AGAP1: variants seen among roughly 807,000 people sequenced by gnomAD.
The protein encoded by AGAP1 is ArfGAP with GTPase domain, ankyrin repeat and PH domain 1, also known as arf-GAP with GTPase, ANK repeat and PH domain-containing protein 1.
A neutral mutation model predicts 105.3 loss-of-function variants in AGAP1; 29 were observed. That is an observed-to-expected ratio of 0.28 (90% CI 0.21 to 0.38). The LOEUF is 0.38. AGAP1 is among the 10% of genes least tolerant of loss of function. The pLI is 1.00. For missense variants in AGAP1, 998 were observed against 1,165.1 expected (o/e 0.86, Z 2.09); for synonymous variants, 509 against 485.9 (o/e 1.05, Z -0.63).
At position 236,080,836 on chromosome 2, in the gene AGAP1, C is replaced by A. The variant is rs2058761430; in HGVS notation, c.2114+31555C>A. Reference sequence around the variant, plus strand: ...CCCCTCTGACCTGTTTCTGTCCTCACATCTTCTGACTCTGATTCTCCTATT... The same window carrying A: ...CCCCTCTGACCTGTTTCTGTCCTCAAATCTTCTGACTCTGATTCTCCTATT... On this transcript the variant is annotated intron_variant, in intron 16 of 17. Transcript: ENST00000304032. This position sits in a 1 kb window ranked among gnomAD's most constrained non-coding sequence, Gnocchi z 4.2. 6.6e-6 allele frequency among the ~76,000 whole-genome samples: 1 copy of A among 152,202 alleles called. No individual in the cohort carries two copies. The highest frequency in any genetic ancestry group is 2.4e-5 in the African/African-American group (1 of 41,454).
intron 1 of AGAP1, among the ~76,000 whole-genome samples, chr2:235,595,393 A>C (rs575795361): frequency 1.7e-4 from 26 of 152,328 alleles, no homozygotes; most frequent in African/African-American, 6.0e-4. Context: ...ATTCTCAGGA[A>C]GGAAGTGTAG....
chr2:235,840,324 A>T (rs1960667372), intron 9 of AGAP1, among the ~76,000 whole-genome samples: 1 of 152,100 alleles, frequency 6.6e-6, no homozygotes. Context: ...AGTGACCATT[A>T]AAGTAAAGTG....
At chr2:235,783,022 T>TTGTGTGTGTGTG (rs112987473) in intron 6 of AGAP1, among the ~76,000 whole-genome samples, 3 of 141,186 alleles carry the variant, frequency 2.1e-5, no homozygotes, top group African/African-American at 5.1e-5. Flanking sequence ...CGGCAGGAGA[T>TTGTGTGTGTGTG]TGTGTGTGTG....
rs1406435062 is a variant in AGAP1 at position 235,875,796 on chromosome 2, T to G, written c.1051-7549T>G. Among the ~76,000 whole-genome samples, 2 of 152,180 alleles carry G rather than the reference T, an allele frequency of 1.3e-5. No individual in the cohort carries two copies. The highest frequency in any genetic ancestry group is 2.9e-5 in the Non-Finnish European group (2 of 68,032). Reference sequence around the variant, plus strand: ...TACGTGCAGTGATTTTGATGGCTGTTTATCCGGACTAATCAGACAAAAACA... The same window carrying G: ...TACGTGCAGTGATTTTGATGGCTGTGTATCCGGACTAATCAGACAAAAACA... On this transcript the variant is annotated intron_variant, in intron 9 of 17. Coordinates refer to ENST00000304032, the MANE Select transcript of AGAP1 (RefSeq NM_001037131.3). This position sits in a 1 kb window ranked among gnomAD's most constrained non-coding sequence, Gnocchi z 4.0.
At chr2:235,911,377 G>A (rs1220462647) in intron 11 of AGAP1, among the ~76,000 whole-genome samples, 1 of 152,128 alleles carries the variant, frequency 6.6e-6, no homozygotes, top group Non-Finnish European at 1.5e-5. Flanking sequence ...CCAGGAGGTA[G>A]GCCAGGCTTC....
rs144353985 is a variant in AGAP1, at chr2:236,085,215, CAAAAAAAAAAA to C, written c.2115-34962_2115-34952del. 5.1e-5 allele frequency among the ~76,000 whole-genome samples: 3 copies of C among 58,412 alleles called. No homozygotes were observed. The Admixed American group carries it at 5.6e-4, about 11-fold the overall frequency. The allele number at this position is 58,412 out of a possible 152,430, so 38.3% of individuals were successfully genotyped here. A position where few individuals can be genotyped will look rare whatever the true frequency, so the allele number is the denominator to read the frequency against. ...TGGGCGACAGAACGAGACTCCGTCT[CAAAAAAAAAAA>C]AAAAAAAAAAAAAATTTTTATTTAC... On this transcript the variant is annotated intron_variant, in intron 16 of 17. Coordinates refer to ENST00000304032, the MANE Select transcript of AGAP1 (RefSeq NM_001037131.3).
chr2:236,062,436 TTTGTTGTTGTTG>T lies in AGAP1; in HGVS notation c.2114+13170_2114+13181del, dbSNP rs145991084. Among the ~76,000 whole-genome samples, 1 of 150,906 alleles carries T rather than the reference TTTGTTGTTGTTG, an allele frequency of 6.6e-6. No homozygotes were observed. Among genetic ancestry groups the T allele is most frequent in the Non-Finnish European group, 1.5e-5 (1 of 67,854 alleles). On this transcript the variant is annotated intron_variant, in intron 16 of 17. Coordinates refer to ENST00000304032, the MANE Select transcript of AGAP1 (RefSeq NM_001037131.3). This position sits in a 1 kb window ranked among gnomAD's most constrained non-coding sequence, Gnocchi z 4.2. ...CTAGGAGCATACTCAGGACTCGTAT[TTTGTTGTTGTTG>T]TTGTTGTTGTTGTTACTTTTCATTT...
chr2:235,876,428 C>A (rs969363442), intron 9 of AGAP1, among the ~76,000 whole-genome samples: 6 of 152,170 alleles, frequency 3.9e-5, no homozygotes, highest in African/African-American at 1.4e-4. Context: ...TTAAGTGTCA[C>A]CATATTCACC....
chr2:236,036,570 A>C lies in AGAP1; in HGVS notation c.1655A>C (p.Glu552Ala). The C allele has an allele frequency of 1.2e-6, 2 of 1,614,092 alleles. No individual in the cohort carries two copies. Among genetic ancestry groups the C allele is most frequent in the Non-Finnish European group, 8.5e-7 (1 of 1,179,968 alleles). The change falls in exon 14 of 18, where the codon GAA (glutamate) becomes GCA (alanine). Residue 552 changes from glutamate to alanine, a missense_variant. Glu to Ala is a moderately radical substitution (Grantham distance 107). Coordinates refer to ENST00000304032, the MANE Select transcript of AGAP1 (RefSeq NM_001037131.3). The surrounding 1 kb of genome is among the most constrained non-coding windows in gnomAD (Gnocchi z 5.7). ...ACACTCTGTGTTTCAGAACAAGAAGAAAATTTTGAGTTTATCATTGTGTCC... is the reference window on the plus strand; with the variant it reads ...ACACTCTGTGTTTCAGAACAAGAAGCAAATTTTGAGTTTATCATTGTGTCC... Reference protein sequence around the residue: ...GLSGTAEEQEENFEFIIVSLT... With the variant: ...GLSGTAEEQEANFEFIIVSLT...
In AGAP1 at chr2:235,992,976, G is replaced by A. The variant is rs1452612711; in HGVS notation, c.1645+24353G>A. 6.6e-6 allele frequency among the ~76,000 whole-genome samples: 1 copy of A among 152,144 alleles called. No individual in the cohort carries two copies. The highest frequency in any genetic ancestry group is 2.4e-5 in the African/African-American group (1 of 41,416). On this transcript the variant is annotated intron_variant, in intron 13 of 17. Coordinates refer to ENST00000304032, the MANE Select transcript of AGAP1 (RefSeq NM_001037131.3). The surrounding 1 kb of genome is among the most constrained non-coding windows in gnomAD (Gnocchi z 4.8). The stretch of plus-strand genomic sequence containing the variant: ...GAACTGGAAATGCCTCCATGCTGAC[G>A]TGTCTGCCTTTCATGAAAGATAGTA...
intron 1 of AGAP1, among the ~76,000 whole-genome samples, chr2:235,508,730 A>C (rs920711034): frequency 1.3e-5 from 2 of 152,216 alleles, no homozygotes; most frequent in Non-Finnish European, 1.5e-5. Flanking sequence ...TACAGCTTAC[A>C]TTTAAGCCAC....
At chr2:235,564,319 T>C (rs1206837195) in intron 1 of AGAP1, among the ~76,000 whole-genome samples, 3 of 152,110 alleles carry the variant, frequency 2.0e-5, no homozygotes. Flanking sequence ...CTGTTACTAT[T>C]AGTGAGCATT....
In AGAP1 at chr2:236,035,956, A is replaced by T. The variant is rs1016603687; in HGVS notation, c.1646-605A>T. Reference sequence around the variant, plus strand: ...TATACCCCCAAGTTCCTCTCTTCCCATTGCAGACATGGCCCCAGAGTAGCT... The same window carrying T: ...TATACCCCCAAGTTCCTCTCTTCCCTTTGCAGACATGGCCCCAGAGTAGCT... On this transcript the variant is annotated intron_variant, in intron 13 of 17. Transcript: ENST00000304032. This position sits in a 1 kb window ranked among gnomAD's most constrained non-coding sequence, Gnocchi z 4.2. 1.3e-4 allele frequency among the ~76,000 whole-genome samples: 19 copies of T among 151,988 alleles called. No individual in the cohort carries two copies. Among genetic ancestry groups the T allele is most frequent in the African/African-American group, 4.6e-4 (19 of 41,380 alleles).
rs1198162469 is a variant in AGAP1 at position 235,601,800 on chromosome 2, CTT to C, written c.163+106954_163+106955del. 6.6e-6 allele frequency among the ~76,000 whole-genome samples: 1 copy of C among 152,108 alleles called. No homozygotes were observed. The highest frequency in any genetic ancestry group is 1.5e-5 in the Non-Finnish European group (1 of 68,018). ...AGTTTAAGACCAGCCTGGGCAACCT[CTT>C]TTAAAGTTAATTACTTCCCAGCAGG... On this transcript the variant is annotated intron_variant, in intron 1 of 17. Transcript: ENST00000304032. The surrounding 1 kb of genome is among the most constrained non-coding windows in gnomAD (Gnocchi z 4.4).
At position 236,005,510 on chromosome 2, in the gene AGAP1, T is replaced by C. The variant is rs553766505; in HGVS notation, c.1646-31051T>C. Reference sequence around the variant, plus strand: ...TAGAGTTCATGAGTCAATATTGATATGTTTTTATTAAAGTCCACACTTTAT... The same window carrying C: ...TAGAGTTCATGAGTCAATATTGATACGTTTTTATTAAAGTCCACACTTTAT... On this transcript the variant is annotated intron_variant, in intron 13 of 17. Transcript: ENST00000304032. This position sits in a 1 kb window ranked among gnomAD's most constrained non-coding sequence, Gnocchi z 4.1. Among the ~76,000 whole-genome samples the C allele has an allele frequency of 2.0e-5, 3 of 152,330 alleles. No individual in the cohort carries two copies. Among genetic ancestry groups the C allele is most frequent in the South Asian group, 2.1e-4 (1 of 4,826 alleles).
chr2:235,524,429 C>T (rs1942750976), intron 1 of AGAP1: 1 of 244,790 alleles, frequency 4.1e-6, no homozygotes. Flanking sequence ...ACAGTGGGGG[C>T]AAGTTTAGAG....
chr2:235,524,142 C>T (rs1942737680), intron 1 of AGAP1, among the ~76,000 whole-genome samples: 1 of 152,198 alleles, frequency 6.6e-6, no homozygotes, highest in Non-Finnish European at 1.5e-5. Context: ...TGTATTCTTA[C>T]CACGGGCGTC....
intron 1 of AGAP1, among the ~76,000 whole-genome samples, chr2:235,603,745 T>C (rs574254325): frequency 3.3e-5 from 5 of 152,318 alleles, no homozygotes; most frequent in East Asian, 1.9e-4. Context: ...TGTCTCTCCA[T>C]GTGTGAAGTA....
rs188126212 is a variant in AGAP1 at position 235,971,036 on chromosome 2, G to T, written c.1645+2413G>T. On this transcript the variant is annotated intron_variant, in intron 13 of 17. Transcript: ENST00000304032. This position sits in a 1 kb window ranked among gnomAD's most constrained non-coding sequence, Gnocchi z 4.8. ...AATCACAGGTGTCTCAAACATGGAT[G>T]TGTAAGCGGGTGACGTGTGTTTGGA... is the stretch of plus-strand genomic sequence containing the variant. 1.1e-3 allele frequency among the ~76,000 whole-genome samples: 165 copies of T among 152,324 alleles called. No individual in the cohort carries two copies. The highest frequency in any genetic ancestry group is 2.0e-3 in the Non-Finnish European group (134 of 68,036).
Sources: gnomAD v4.1 joint callset for allele counts (sites outside exome capture counted in the v4.1 genomes callset) on GRCh38, gnomAD v4.1.1 for gene constraint, Gnocchi (gnomAD v3.1) non-coding constraint, MANE v1.5 for transcripts, NCBI Gene and HGNC (gene_info 2026-07-23, HGNC 2026-07-21) for gene names.